EXOC6: variants seen among roughly 807,000 people sequenced by gnomAD.
EXOC6 encodes exocyst complex component 6, also known as SEC15-like 1.
In EXOC6, 60 loss-of-function variants were observed where a neutral mutation model predicts 112.5. That is an observed-to-expected ratio of 0.53 (90% CI 0.43 to 0.66). The LOEUF (loss-of-function observed/expected upper bound fraction) is 0.66. Ranked by LOEUF, EXOC6 falls within the 30% of genes least tolerant of loss-of-function variation. EXOC6 has a pLI of 0.00. For synonymous variants in EXOC6, 295 were observed against 308.0 expected, an observed-to-expected ratio of 0.96 and a Z score of 0.44; for missense variants, 855 against 957.1, an observed-to-expected ratio of 0.89 and a Z score of 1.41.
intron 17 of EXOC6, among the ~76,000 whole-genome samples, chr10:92,970,316 C>T (rs1468070510): frequency 1.5e-4 from 23 of 152,156 alleles, no homozygotes; most frequent in Admixed American, 1.5e-3. Context: ...CTAAACAATA[C>T]AGTGTGACAA....
rs752573461 is a variant in EXOC6 at position 92,895,022 on chromosome 10, T to C, written c.412+2T>C. On this transcript the variant is annotated splice_donor_variant, in intron 4 of 21. Transcript: ENST00000260762. LOFTEE classifies it high-confidence loss of function. ...AAAAATTGCAGTTATGCCTTCCTGGTGAGTTAAACTTGTCTATAATAAAAC... is the reference window on the plus strand; with the variant it reads ...AAAAATTGCAGTTATGCCTTCCTGGCGAGTTAAACTTGTCTATAATAAAAC... 3.2e-6 allele frequency: 5 copies of C among 1,560,760 alleles called. No individual in the cohort carries two copies. The highest frequency in any genetic ancestry group is 4.4e-6 in the Non-Finnish European group (5 of 1,132,432).
At chr10:92,896,438 C>T (rs1010009878) in intron 4 of EXOC6, among the ~76,000 whole-genome samples, 3 of 149,896 alleles carry the variant, frequency 2.0e-5, no homozygotes, top group African/African-American at 7.4e-5. Context: ...CTCAAATGAT[C>T]TGCCTGCCTC....
At chr10:92,851,912 A>G (rs1847364921) in intron 1 of EXOC6, among the ~76,000 whole-genome samples, 1 of 152,014 alleles carries the variant, frequency 6.6e-6, no homozygotes, top group Non-Finnish European at 1.5e-5. Flanking sequence ...CTCTACAAAT[A>G]CAAAAATTAG....
At chr10:92,852,199 G>A (rs997554689) in intron 1 of EXOC6, among the ~76,000 whole-genome samples, 1 of 152,174 alleles carries the variant, frequency 6.6e-6, no homozygotes, top group Non-Finnish European at 1.5e-5. Flanking sequence ...GAATAGCCCT[G>A]TATCAATTAA....
At chr10:92,934,216 A>G in intron 10 of EXOC6, 26 bp downstream of exon 10, 2 of 1,521,048 alleles carry the variant, frequency 1.3e-6, no homozygotes, top group Non-Finnish European at 1.8e-6. Context: ...GGAAATAACT[A>G]TTATTAATTT....
intron 8 of EXOC6, among the ~76,000 whole-genome samples, chr10:92,924,029 A>G (rs1173073636): frequency 2.0e-5 from 3 of 152,156 alleles, no homozygotes; most frequent in Non-Finnish European, 2.9e-5. Context: ...CATATTAGGA[A>G]CAGTATATTT....
intron 6 of EXOC6, among the ~76,000 whole-genome samples, chr10:92,911,934 TGTGC>T (rs1384739288): frequency 8.4e-5 from 4 of 47,884 alleles, no homozygotes; most frequent in Admixed American, 3.2e-4. Flanking sequence ...TCTCTCTCTG[TGTGC>T]GTGTGTGTGT....
chr10:93,051,235 C>G (rs1255906235), intron 20 of EXOC6, among the ~76,000 whole-genome samples: 3 of 151,660 alleles, frequency 2.0e-5, no homozygotes, highest in Admixed American at 6.6e-5. Flanking sequence ...TAAGAACATT[C>G]TACATTTGCA....
At chr10:93,042,383 G>T (rs1401877976) in intron 20 of EXOC6, among the ~76,000 whole-genome samples, 1 of 152,192 alleles carries the variant, frequency 6.6e-6, no homozygotes, top group Non-Finnish European at 1.5e-5. Flanking sequence ...ATGTTAGTTT[G>T]TAATTATGTT....
intron 17 of EXOC6, among the ~76,000 whole-genome samples, chr10:92,962,326 T>C (rs1487031400): frequency 6.6e-6 from 1 of 152,174 alleles, no homozygotes; most frequent in Non-Finnish European, 1.5e-5. Context: ...GGGGTATATG[T>C]TAAATGATGT....
At chr10:93,036,903 T>C (rs1845538622) in intron 20 of EXOC6, among the ~76,000 whole-genome samples, 1 of 152,188 alleles carries the variant, frequency 6.6e-6, no homozygotes, top group Non-Finnish European at 1.5e-5. Flanking sequence ...AAAGAGACAG[T>C]CCCAGATTTA....
In EXOC6 at chr10:93,058,336, G is replaced by A. The variant is rs778063538; in HGVS notation, c.2396G>A (p.Gly799Asp). Residue 799 changes from glycine (G) to aspartate (D), a missense_variant, in exon 22 of 22, where the codon GGT becomes GAT. Coordinates refer to ENST00000260762, the MANE Select transcript of EXOC6 (RefSeq NM_019053.6). ...VVKQLRSLVN[G>D]MSQHM ...AAACAGCTGAGAAGTTTGGTGAATG[G>A]TATGTCCCAGCACATGTAGACCTCA... 12 of 1,611,136 alleles carry A rather than the reference G, an allele frequency of 7.4e-6. No individual in the cohort carries two copies. The highest frequency in any genetic ancestry group is 1.7e-5 in the Admixed American group (1 of 58,822).
intron 1 of EXOC6, among the ~76,000 whole-genome samples, chr10:92,853,062 G>C (rs1342687309): frequency 6.6e-6 from 1 of 152,120 alleles, no homozygotes; most frequent in Non-Finnish European, 1.5e-5. Flanking sequence ...AAGGTTGTAG[G>C]AATCAGGTGG....
At chr10:93,036,961 A>T (rs1845541495) in intron 20 of EXOC6, among the ~76,000 whole-genome samples, 1 of 152,000 alleles carries the variant, frequency 6.6e-6, no homozygotes. Flanking sequence ...ACTGAAAGGG[A>T]TAGGTTAAAA....
upstream of EXOC6, among the ~76,000 whole-genome samples, chr10:92,833,562 A>T (rs1846559447): frequency 6.6e-6 from 1 of 152,198 alleles, no homozygotes; most frequent in Non-Finnish European, 1.5e-5. Context: ...GGATGCAGGC[A>T]GGGGTGACAA....
At chr10:92,832,628 T>C (rs1033415232), upstream of EXOC6, among the ~76,000 whole-genome samples, 6 of 151,958 alleles carry the variant, frequency 3.9e-5, no homozygotes, top group African/African-American at 1.5e-4. Flanking sequence ...ATGAATCAGA[T>C]AGACATTCTG....
intron 1 of EXOC6, among the ~76,000 whole-genome samples, chr10:92,852,118 A>C (rs917873138): frequency 1.1e-4 from 17 of 152,236 alleles, no homozygotes; most frequent in African/African-American, 4.1e-4. Flanking sequence ...ACATTTGGCA[A>C]CTTAGCAGAA....
intron 8 of EXOC6, among the ~76,000 whole-genome samples, chr10:92,923,212 C>T (rs1004472184): frequency 1.3e-5 from 2 of 152,104 alleles, no homozygotes; most frequent in African/African-American, 4.8e-5. Context: ...AATTTTTTGC[C>T]TTAGATGGTA....
At chr10:92,914,371 TAAA>T (rs1431861320) in intron 6 of EXOC6, among the ~76,000 whole-genome samples, 2 of 152,220 alleles carry the variant, frequency 1.3e-5, no homozygotes, top group African/African-American at 4.8e-5. Flanking sequence ...AAACCTGAGT[TAAA>T]TAAAGTTAAG....
Sources: allele counts gnomAD v4.1 joint callset (sites outside exome capture counted in the v4.1 genomes callset), GRCh38; gene constraint gnomAD v4.1.1; transcripts MANE v1.5; gene names NCBI Gene and HGNC (gene_info 2026-07-23, HGNC 2026-07-21).